NCOR2: variants seen among roughly 807,000 people sequenced by gnomAD.
NCOR2 encodes CTG repeat protein 26.
A neutral mutation model predicts 262.9 loss-of-function variants in NCOR2; 81 were observed. The observed-to-expected ratio is 0.31, with a 90% CI of 0.26 to 0.37. The LOEUF (loss-of-function observed/expected upper bound fraction) is 0.37, where lower values mean the gene tolerates loss of function less well. NCOR2 is among the 10% of genes least tolerant of loss of function. NCOR2 has a pLI of 1.00. For missense variants in NCOR2, 3,385 were observed against 3,621.4 expected, an observed-to-expected ratio of 0.93 and a Z score of 1.68; for synonymous variants, 1,659 against 1,559.3, an observed-to-expected ratio of 1.06 and a Z score of -1.51.
intron 3 of NCOR2, among the ~76,000 whole-genome samples, chr12:124,475,413 C>T (rs372494182): frequency 1.3e-5 from 2 of 152,178 alleles, no homozygotes; most frequent in East Asian, 1.9e-4. Flanking sequence ...ATCTCCATTA[C>T]GCAGAGGCAG....
chr12:124,358,626 A>G (rs1454417364), intron 22 of NCOR2, among the ~76,000 whole-genome samples: 1 of 152,204 alleles, frequency 6.6e-6, no homozygotes, highest in African/African-American at 2.4e-5. Flanking sequence ...ACTGAGGTAC[A>G]GACACACCAA....
chr12:124,448,709 AGC>A (rs2045338602), intron 7 of NCOR2, among the ~76,000 whole-genome samples: 1 of 152,142 alleles, frequency 6.6e-6, no homozygotes, highest in South Asian at 2.1e-4. Flanking sequence ...CTACAACAGC[AGC>A]GATCTCCCCG....
At chr12:124,542,206 C>A (rs377451507) in intron 1 of NCOR2, among the ~76,000 whole-genome samples, 2 of 152,022 alleles carry the variant, frequency 1.3e-5, no homozygotes, top group East Asian at 3.9e-4. Flanking sequence ...TCCCACCAGA[C>A]CTGCAGCAGC....
At chr12:124,380,379 C>T (rs920351351) in intron 17 of NCOR2, among the ~76,000 whole-genome samples, 4 of 152,226 alleles carry the variant, frequency 2.6e-5, no homozygotes, top group African/African-American at 7.2e-5. Flanking sequence ...ACTGCTCGTC[C>T]GTTAGTCACA....
intron 3 of NCOR2, among the ~76,000 whole-genome samples, chr12:124,478,892 GAC>G (rs2047247180): frequency 6.6e-6 from 1 of 152,168 alleles, no homozygotes; most frequent in East Asian, 1.9e-4. Context: ...GACAGAGACA[GAC>G]ACAGAGACTA....
exon 23 of NCOR2, chr12:124,356,711 G>A: frequency 6.7e-7 from 1 of 1,496,514 alleles, no homozygotes; most frequent in Non-Finnish European, 8.8e-7. Flanking sequence ...TCACGGGGGG[G>A]CACGGGGAAG....
At chr12:124,468,132 A>C (rs1379528287) in intron 4 of NCOR2, among the ~76,000 whole-genome samples, 3 of 31,548 alleles carry the variant, frequency 9.5e-5, no homozygotes, top group Admixed American at 4.3e-4. Context: ...CTTCATCCTC[A>C]TCCTCATCAC....
At chr12:124,379,783 G>A (rs561170887) in intron 17 of NCOR2, among the ~76,000 whole-genome samples, 2 of 152,362 alleles carry the variant, frequency 1.3e-5, no homozygotes, top group South Asian at 4.1e-4. Flanking sequence ...ACTGGAGTGG[G>A]GTGGGCCCTA....
At chr12:124,345,165 C>G (rs1457209221) in intron 31 of NCOR2, among the ~76,000 whole-genome samples, 1 of 152,198 alleles carries the variant, frequency 6.6e-6, no homozygotes, top group African/African-American at 2.4e-5. Context: ...CTGGTCCCCA[C>G]GCTCCCTGGG....
At chr12:124,469,180 A>G (rs1393237315) in intron 4 of NCOR2, among the ~76,000 whole-genome samples, 1 of 152,136 alleles carries the variant, frequency 6.6e-6, no homozygotes, top group Non-Finnish European at 1.5e-5. Context: ...GTGACAGGGC[A>G]TCACAAGTGA....
intron 22 of NCOR2, 129 bp downstream of exon 24, chr12:124,361,997 A>G: frequency 2.3e-6 from 2 of 852,544 alleles, no homozygotes; most frequent in Non-Finnish European, 3.1e-6. Flanking sequence ...CAACTGTTCC[A>G]TTCGTTTACT....
chr12:124,557,464 CTG>C (rs1198257226), intron 1 of NCOR2, among the ~76,000 whole-genome samples: 11 of 152,226 alleles, frequency 7.2e-5, no homozygotes, highest in African/African-American at 2.2e-4. Flanking sequence ...GCCTTCTCCT[CTG>C]TGTCTTTTTG....
rs1198433421 is a variant in NCOR2 at position 124,504,572 on chromosome 12, CAGAA to C, written c.-117-9208_-117-9205del. Among the ~76,000 whole-genome samples, 2 of 152,212 alleles carry C rather than the reference CAGAA, an allele frequency of 1.3e-5. No individual in the cohort carries two copies. Among genetic ancestry groups the C allele is most frequent in the South Asian group, 2.1e-4 (1 of 4,834 alleles). ...AACGGAAAACTGGTGACAAAACAAA[CAGAA>C]AGGATTAGAATGCCCACAGCAGCAC... On this transcript the variant is annotated intron_variant, in intron 1 of 46. Coordinates refer to the NCOR2 transcript ENST00000404621. The surrounding 1 kb of genome is among the most constrained non-coding windows in gnomAD (Gnocchi z 4.5).
chr12:124,429,514 G>T, intron 10 of NCOR2, 99 bp downstream of exon 12: 1 of 1,322,224 alleles, frequency 7.6e-7, no homozygotes, highest in Non-Finnish European at 1.1e-6. Flanking sequence ...GCCCCTCGAC[G>T]TAAACCACCC....
At chr12:124,418,028 T>G (rs187592267) in intron 13 of NCOR2, among the ~76,000 whole-genome samples, 81 of 149,662 alleles carry the variant, frequency 5.4e-4, no homozygotes, top group African/African-American at 1.8e-3. Context: ...GCCACTGCAC[T>G]CTGACCTGGG....
intron 11 of NCOR2, 115 bp downstream of exon 13, chr12:124,426,507 C>A: frequency 6.0e-6 from 6 of 1,007,622 alleles, no homozygotes; most frequent in Non-Finnish European, 4.1e-6. Context: ...TAAATCCCTG[C>A]GGTTTTAAGC....
intron 32 of NCOR2, 146 bp from the exon 35 acceptor site, chr12:124,343,372 A>T (rs1566370136): frequency 1.6e-6 from 1 of 632,042 alleles, no homozygotes. Flanking sequence ...CTTTTTGCTC[A>T]CTGACTCATT....
upstream of NCOR2, among the ~76,000 whole-genome samples, chr12:124,498,316 G>T (rs4765151): frequency 0.78 from 118,803 of 152,112 alleles, 46,649 homozygotes; most frequent in East Asian, 0.99. Context: ...GGGTGACACC[G>T]TCCTAAAGTG....
chr12:124,336,538 C>A, intron 38 of NCOR2: 1 of 1,318,810 alleles, frequency 7.6e-7, no homozygotes. Flanking sequence ...AAACAAAATA[C>A]CAAAACCAAC....
Sources: allele counts gnomAD v4.1 joint callset (sites outside exome capture counted in the v4.1 genomes callset), GRCh38; gene constraint gnomAD v4.1.1; non-coding constraint Gnocchi (gnomAD v3.1); transcripts MANE v1.5; gene names NCBI Gene and HGNC (gene_info 2026-07-23, HGNC 2026-07-21).